Variants in VTI1B observed in about 807,000 individuals in gnomAD.
The protein encoded by VTI1B is vesicle transport through interaction with t-SNAREs homolog 1B.
A neutral mutation model predicts 28.6 loss-of-function variants in VTI1B; 18 were observed. The ratio of observed to expected loss-of-function variants is 0.63; its 90% confidence interval spans 0.43 to 0.93. The LOEUF is 0.93. Ranked by LOEUF, VTI1B falls within the 40% of genes least tolerant of loss-of-function variation. The pLI is 0.00. For missense variants in VTI1B, 283 were observed against 297.0 expected (o/e 0.95, Z 0.35); for synonymous variants, 100 against 107.9 (o/e 0.93, Z 0.46).
Position 67,651,332 on chromosome 14 carries a change from T to G in VTI1B, c.*53A>C. The G allele has an allele frequency of 6.2e-7, 1 of 1,611,480 alleles. No homozygotes were observed. Among genetic ancestry groups the G allele is most frequent in the Non-Finnish European group, 8.5e-7 (1 of 1,178,404 alleles). On this transcript the variant is annotated 3_prime_UTR_variant, in exon 6 of 6. Coordinates refer to ENST00000554659, the MANE Select transcript of VTI1B (RefSeq NM_006370.3). ...GCTTATTCTATCCACATCCCTAACA[T>G]CATGCATTCACAAGGTCAAAGTTCT...
At position 67,647,901 on chromosome 14, in the gene VTI1B, C is replaced by A. The variant is rs1057200860; in HGVS notation, c.*3484G>T. On this transcript the variant is annotated 3_prime_UTR_variant, in exon 6 of 6. Transcript: ENST00000554659. ...CTCAGTAACTTCCAAGAATAGGAAGCCTGGAAATGTATTAACAGCTTTATT... is the reference window on the plus strand; with the variant it reads ...CTCAGTAACTTCCAAGAATAGGAAGACTGGAAATGTATTAACAGCTTTATT... 5 of 773,544 alleles carry A rather than the reference C, an allele frequency of 6.5e-6. No individual in the cohort carries two copies. The highest frequency in any genetic ancestry group is 2.0e-5 in the South Asian group (1 of 50,524). 47.9% of individuals were successfully genotyped at this position (773,544 alleles called of 1,614,324 possible).
chr14:67,648,227 A>G lies in VTI1B; in HGVS notation c.*3158T>C. Reference sequence around the variant, plus strand: ...TGCAGCCTGTTAACTACATAGGTAAATATGCTAGAGTCTCTTGCCTGCAAA... The same window carrying G: ...TGCAGCCTGTTAACTACATAGGTAAGTATGCTAGAGTCTCTTGCCTGCAAA... On this transcript the variant is annotated 3_prime_UTR_variant, in exon 6 of 6. Coordinates refer to ENST00000554659, the MANE Select transcript of VTI1B (RefSeq NM_006370.3). The G allele has an allele frequency of 6.3e-7, 1 of 1,583,764 alleles. No homozygotes were observed. Among genetic ancestry groups the G allele is most frequent in the Non-Finnish European group, 8.6e-7 (1 of 1,159,730 alleles).
At chr14:67,666,908 C>T (rs1200594910) in intron 1 of VTI1B, among the ~76,000 whole-genome samples, 1 of 152,182 alleles carries the variant, frequency 6.6e-6, no homozygotes, top group East Asian at 1.9e-4. Flanking sequence ...CTGGTAAAAT[C>T]TGTTGAAAAA....
Position 67,656,543 on chromosome 14 carries a change from C to A in VTI1B, c.413G>T (p.Ser138Ile). The stretch of plus-strand genomic sequence containing the variant: ...AATACTTTGGGTGGCCCGGTTCAGG[C>A]TTTCAGTGCCCTGCAGAAGCATTGC... ...QRAMLLQGTE[S>I]LNRATQSIER... The change falls in exon 4 of 6, where the codon AGC becomes ATC. Residue 138 changes from serine to isoleucine, a missense_variant. Physicochemically the swap from Ser to Ile is moderately radical, Grantham distance 142 (BLOSUM62 -2). Coordinates refer to ENST00000554659, the MANE Select transcript of VTI1B (RefSeq NM_006370.3). The A allele has an allele frequency of 6.2e-7, 1 of 1,613,962 alleles. No homozygotes were observed. The highest frequency in any genetic ancestry group is 1.3e-5 in the African/African-American group (1 of 75,058).
intron 4 of VTI1B, among the ~76,000 whole-genome samples, chr14:67,655,481 C>G (rs1465645991): frequency 6.6e-6 from 1 of 151,992 alleles, no homozygotes. Context: ...CCACAATGAT[C>G]CAGCTTACCT....
At chr14:67,660,693 TA>T (rs968773987) in intron 2 of VTI1B, among the ~76,000 whole-genome samples, 2 of 152,086 alleles carry the variant, frequency 1.3e-5, no homozygotes, top group Non-Finnish European at 2.9e-5. Flanking sequence ...TTTTCTGGGG[TA>T]AGTAAAATGT....
At position 67,669,270 on chromosome 14, in the gene VTI1B, A is replaced by AT. The variant is rs33972864; in HGVS notation, c.115+5104dup. Reference sequence around the variant, plus strand: ...CTCTCAATTCACATACTTCTTCATAATTTTTTTTTTTTTTTTTGAGACGGA... The same window carrying AT: ...CTCTCAATTCACATACTTCTTCATAATTTTTTTTTTTTTTTTTTGAGACGGA... On this transcript the variant is annotated intron_variant, in intron 1 of 5. Coordinates refer to ENST00000554659, the MANE Select transcript of VTI1B (RefSeq NM_006370.3). Among the ~76,000 whole-genome samples, 380 of 139,998 alleles carry AT rather than the reference A, an allele frequency of 2.7e-3. 4 individuals are homozygous for AT. In the South Asian group the frequency reaches 0.028, roughly 10 times the overall value. The allele number at this position is 139,998 out of a possible 152,430, so 91.8% of individuals were successfully genotyped here. A position where few individuals can be genotyped will look rare whatever the true frequency, so the allele number is the denominator to read the frequency against.
Position 67,647,334 on chromosome 14 carries a change from C to A in VTI1B, c.*4051G>T. ...AACTGTCCCATTCTTCCCAGCCTCA[C>A]GATTGTTTCATCTGAGTTTTATATT... On this transcript the variant is annotated 3_prime_UTR_variant, in exon 6 of 6. Coordinates refer to ENST00000554659, the MANE Select transcript of VTI1B (RefSeq NM_006370.3). The A allele has an allele frequency of 4.2e-6, 1 of 236,514 alleles. No individual in the cohort carries two copies. 14.7% of individuals were successfully genotyped at this position (236,514 alleles called of 1,614,324 possible). A position where few individuals can be genotyped will look rare whatever the true frequency, so the allele number is the denominator to read the frequency against.
chr14:67,651,622 A>G, intron 5 of VTI1B, 141 bp from the exon 6 acceptor site: 1 of 885,948 alleles, frequency 1.1e-6, no homozygotes, highest in Non-Finnish European at 1.7e-6. Context: ...GGAAGTACTC[A>G]TAAGGTTCTT....
intron 2 of VTI1B, among the ~76,000 whole-genome samples, chr14:67,661,278 CAAA>C (rs1208811725): frequency 7.1e-5 from 4 of 56,546 alleles, no homozygotes; most frequent in African/African-American, 1.7e-4. Flanking sequence ...AGGGCTAGAG[CAAA>C]AAAAAAAAAA....
At chr14:67,659,641 G>T in intron 3 of VTI1B, 90 bp downstream of exon 3, 1 of 1,326,086 alleles carries the variant, frequency 7.5e-7, no homozygotes. Flanking sequence ...AGTATACACT[G>T]ATAACATGAA....
chr14:67,670,523 T>C (rs954020225), intron 1 of VTI1B, among the ~76,000 whole-genome samples: 38 of 152,230 alleles, frequency 2.5e-4, no homozygotes, highest in African/African-American at 8.9e-4. Flanking sequence ...CTCAGAGAAC[T>C]TTATTTTAGG....
intron 1 of VTI1B, among the ~76,000 whole-genome samples, chr14:67,669,122 T>G (rs1169593810): frequency 2.0e-5 from 3 of 152,156 alleles, no homozygotes; most frequent in Non-Finnish European, 4.4e-5. Flanking sequence ...TTATCCCCAT[T>G]TGGCAGGAAA....
chr14:67,673,354 AT>A (rs2037493163), intron 1 of VTI1B, among the ~76,000 whole-genome samples: 1 of 152,090 alleles, frequency 6.6e-6, no homozygotes, highest in Non-Finnish European at 1.5e-5. Context: ...AAAAAAAAAA[AT>A]GATAAATAAT....
At chr14:67,657,167 T>A (rs2037269182) in intron 3 of VTI1B, 2 of 152,242 alleles carry the variant, frequency 1.3e-5, no homozygotes, top group Non-Finnish European at 2.9e-5. Context: ...CCTGACTCAC[T>A]TGGCTTCTGA....
rs765705002 is a variant in VTI1B at position 67,648,032 on chromosome 14, C to G, written c.*3353G>C. The G allele has an allele frequency of 2.5e-6, 4 of 1,592,254 alleles. No homozygotes were observed. Among genetic ancestry groups the G allele is most frequent in the Non-Finnish European group, 3.4e-6 (4 of 1,167,708 alleles). ...AGTATTATTTTAAGTATTATTTTAT[C>G]CTCTTCCTTTTTAGGAGACAAAGAC... is the stretch of plus-strand genomic sequence containing the variant. On this transcript the variant is annotated 3_prime_UTR_variant, in exon 6 of 6. Transcript: ENST00000554659.
chr14:67,666,716 C>T (rs1248275430), intron 1 of VTI1B, among the ~76,000 whole-genome samples: 2 of 152,184 alleles, frequency 1.3e-5, no homozygotes, highest in Non-Finnish European at 2.9e-5. Context: ...ACTGAGGACA[C>T]TAGACCCTGG....
intron 3 of VTI1B, among the ~76,000 whole-genome samples, chr14:67,657,788 G>A (rs1364539104): frequency 5.2e-5 from 7 of 134,916 alleles, no homozygotes; most frequent in African/African-American, 1.4e-4. Context: ...TCGCTCTGTC[G>A]CCCGGGCTGG....
chr14:67,657,440 C>T (rs767993901), intron 3 of VTI1B, among the ~76,000 whole-genome samples: 5 of 152,116 alleles, frequency 3.3e-5, no homozygotes, highest in Admixed American at 6.5e-5. Context: ...TCTCAACTGC[C>T]CTAATTTTCT....
Sources: gnomAD v4.1 joint callset for allele counts (sites outside exome capture counted in the v4.1 genomes callset) on GRCh38, gnomAD v4.1.1 for gene constraint, MANE v1.5 for transcripts, NCBI Gene and HGNC (gene_info 2026-07-23, HGNC 2026-07-21) for gene names.